Variants in GPC1 observed in about 807,000 individuals in gnomAD.
GPC1 encodes the protein glypican-1.
In GPC1, 26 loss-of-function variants were observed where a neutral mutation model predicts 51.5. That is an observed-to-expected ratio of 0.50 (90% confidence interval 0.37 to 0.70). GPC1 has a LOEUF of 0.70. Among genes scored for constraint, GPC1 ranks in the 30% least tolerant of loss-of-function variants. GPC1 has a pLI of 0.00. For synonymous variants in GPC1, 380 were observed against 348.3 expected (o/e 1.09, Z -1.01); for missense variants, 775 against 800.5 (o/e 0.97, Z 0.38).
intron 1 of GPC1, chr2:240,458,133 C>T (rs994153292): frequency 2.2e-6 from 1 of 458,280 alleles, no homozygotes; most frequent in African/African-American, 2.0e-5. Flanking sequence ...CCCCGGTTTT[C>T]TGGTTAATAA....
At chr2:240,463,263 C>T in intron 3 of GPC1, 84 bp from the exon 4 acceptor site, 1 of 1,233,634 alleles carries the variant, frequency 8.1e-7, no homozygotes, top group East Asian at 2.3e-5. Flanking sequence ...CCAGAGCCCC[C>T]TACCCTGGGG....
Position 240,435,726 on chromosome 2 carries a change from C to G in GPC1, c.-193C>G, listed in dbSNP as rs2073978441. ...TGCCCGAGCGAGCGTTCGGACCTCG[C>G]ACCCCGCGCGCCCCGCGCCGCCGCC... On this transcript the variant is annotated 5_prime_UTR_variant, in exon 1 of 9. Transcript: ENST00000264039. 1 of 257,804 alleles carries G rather than the reference C, an allele frequency of 3.9e-6. No homozygotes were observed. The highest frequency in any genetic ancestry group is 2.3e-5 in the African/African-American group (1 of 43,662). The allele number at this position is 257,804 out of a possible 1,614,324, so 16.0% of individuals were successfully genotyped here.
intron 8 of GPC1, 134 bp downstream of exon 8, chr2:240,465,782 T>C (rs1352830587): frequency 2.6e-6 from 2 of 765,148 alleles, no homozygotes; most frequent in Non-Finnish European, 4.2e-6. Flanking sequence ...CTGAGGACGC[T>C]GTGCTGCCCA....
intron 1 of GPC1, among the ~76,000 whole-genome samples, chr2:240,447,526 C>T (rs1321155694): frequency 6.6e-6 from 1 of 152,236 alleles, no homozygotes; most frequent in Non-Finnish European, 1.5e-5. Flanking sequence ...GGGAGGCGGC[C>T]TGCCGGGCCT....
chr2:240,439,744 C>T (rs1338140915), intron 1 of GPC1, among the ~76,000 whole-genome samples: 1 of 152,214 alleles, frequency 6.6e-6, no homozygotes, highest in Non-Finnish European at 1.5e-5. Context: ...GCCTGGCACA[C>T]AGCCCCTCAC....
Position 240,447,365 on chromosome 2 carries a change from G to T in GPC1, c.166+11281G>T, listed in dbSNP as rs144305292. Among the ~76,000 whole-genome samples the T allele has an allele frequency of 5.3e-5, 8 of 152,356 alleles. No individual in the cohort carries two copies. The East Asian group carries it at 1.5e-3, about 30-fold the overall frequency. On this transcript the variant is annotated intron_variant, in intron 1 of 8. Coordinates refer to ENST00000264039, the MANE Select transcript of GPC1 (RefSeq NM_002081.3). ...CTGTGTGGTTGGGGCGACATTGACA[G>T]TCATTTCGGAAGGTCAGGAAGGCTC...
At chr2:240,455,715 C>G (rs977974139) in intron 1 of GPC1, among the ~76,000 whole-genome samples, 1 of 152,174 alleles carries the variant, frequency 6.6e-6, no homozygotes, top group African/African-American at 2.4e-5. Context: ...GCTCTCCATT[C>G]AGAAAGGCCC....
rs985629226 is a variant in GPC1, at chr2:240,467,115, T to G, written c.*825T>G. On this transcript the variant is annotated 3_prime_UTR_variant, in exon 9 of 9. Coordinates refer to ENST00000264039, the MANE Select transcript of GPC1 (RefSeq NM_002081.3). ...AGGCCTTGCTGGGGTCCAGGGCTGT[T>G]GGAGGACCCCGAGGGCTGAGGAGCA... 6 of 152,264 alleles carry G rather than the reference T, an allele frequency of 3.9e-5. No homozygotes were observed. The highest frequency in any genetic ancestry group is 1.4e-4 in the African/African-American group (6 of 41,460). 9.4% of individuals were successfully genotyped at this position (152,264 alleles called of 1,614,324 possible). A position where few individuals can be genotyped will look rare whatever the true frequency, so the allele number is the denominator to read the frequency against.
intron 1 of GPC1, 85 bp from the exon 2 acceptor site, chr2:240,458,945 A>G: frequency 1.5e-6 from 2 of 1,333,738 alleles, no homozygotes; most frequent in South Asian, 1.3e-5. Flanking sequence ...TGGGTCTGCC[A>G]TCCTGCCCAG....
In GPC1 at chr2:240,435,983, G is replaced by A. The variant is rs781775309; in HGVS notation, c.65G>A (p.Arg22His). The change falls in exon 1 of 9, where the codon CGC becomes CAC. Residue 22 changes from arginine to histidine, a missense_variant. Coordinates refer to ENST00000264039, the MANE Select transcript of GPC1 (RefSeq NM_002081.3). ...GCCGCAGCGCTGGTCGCCTGCGCCC[G>A]CGGGGACCCGGCCAGCAAGAGCCGG... ...CAAAALVACA[R>H]GDPASKSRSC... The A allele has an allele frequency of 3.7e-6, 5 of 1,366,332 alleles. No homozygotes were observed. Among genetic ancestry groups the A allele is most frequent in the East Asian group, 3.0e-5 (1 of 33,264 alleles). 84.6% of individuals were successfully genotyped at this position (1,366,332 alleles called of 1,614,324 possible). A position where few individuals can be genotyped will look rare whatever the true frequency, so the allele number is the denominator to read the frequency against.
chr2:240,455,959 G>T, intron 1 of GPC1: 1 of 413,270 alleles, frequency 2.4e-6, no homozygotes. Context: ...GAGGCTCCCA[G>T]GCCTTCGCCC....
intron 1 of GPC1, chr2:240,452,801 C>G (rs1457424327): frequency 6.6e-6 from 1 of 150,872 alleles, no homozygotes; most frequent in Non-Finnish European, 1.5e-5. Context: ...AGCCACCGCC[C>G]TCGGCCGTGC....
Position 240,465,157 on chromosome 2 carries a change from G to A in GPC1, c.1215G>A (p.Met405Ile), listed in dbSNP as rs747504138. The change falls in exon 7 of 9, where the codon ATG (methionine) becomes ATA (isoleucine). Residue 405 changes from methionine (M) to isoleucine (I), a missense_variant. Coordinates refer to ENST00000264039, the MANE Select transcript of GPC1 (RefSeq NM_002081.3). The part of the protein sequence containing the change: ...SLPGTLCSEK[M>I]ALSTASDDRC... The stretch of plus-strand genomic sequence containing the variant: ...CAGGGACACTGTGCAGTGAGAAGAT[G>A]GCCCTGAGCACTGCCAGTGATGACC... 3 of 1,612,360 alleles carry A rather than the reference G, an allele frequency of 1.9e-6. No individual in the cohort carries two copies. The highest frequency in any genetic ancestry group is 2.5e-6 in the Non-Finnish European group (3 of 1,179,792).
chr2:240,457,600 G>A (rs1327155736), intron 1 of GPC1: 4 of 395,780 alleles, frequency 1.0e-5, no homozygotes, highest in South Asian at 1.8e-5. Context: ...TCCAGGCCCT[G>A]CCTGCAGTGG....
chr2:240,460,281 C>T (rs987087683), intron 2 of GPC1, among the ~76,000 whole-genome samples: 11 of 152,062 alleles, frequency 7.2e-5, no homozygotes, highest in Admixed American at 2.0e-4. Flanking sequence ...GTGGGATGCG[C>T]GTGGCCCCTC....
chr2:240,458,985 A>G (rs1419655197), intron 1 of GPC1, 45 bp from the exon 2 acceptor site: 1 of 1,585,344 alleles, frequency 6.3e-7, no homozygotes, highest in African/African-American at 1.3e-5. Flanking sequence ...CCTGGCTCCC[A>G]GTGCTGTCCC....
intron 1 of GPC1, among the ~76,000 whole-genome samples, chr2:240,444,866 C>T (rs927098582): frequency 5.9e-5 from 9 of 152,164 alleles, no homozygotes; most frequent in Admixed American, 2.6e-4. Flanking sequence ...CCTCAAGAAC[C>T]GGGGCCAGGA....
chr2:240,457,307 A>AT (rs1402189925), intron 1 of GPC1: 1 of 419,842 alleles, frequency 2.4e-6, no homozygotes, highest in African/African-American at 2.0e-5. Flanking sequence ...CCTTGCTGTC[A>AT]TGTCAGCAGG....
intron 1 of GPC1, 198 bp from the exon 2 acceptor site, chr2:240,458,832 A>T: frequency 1.7e-6 from 1 of 572,924 alleles, no homozygotes; most frequent in Non-Finnish European, 3.1e-6. Flanking sequence ...GTGGGAAGCT[A>T]CGGGACCGAA....
Sources: allele counts gnomAD v4.1 joint callset (sites outside exome capture counted in the v4.1 genomes callset), GRCh38; gene constraint gnomAD v4.1.1; transcripts MANE v1.5; gene names NCBI Gene and HGNC (gene_info 2026-07-23, HGNC 2026-07-21).